The following ARB2A variants were observed in gnomAD, a reference collection of about 807,000 sequenced individuals.
ARB2A encodes the protein ARB2 cotranscriptional regulator A.
At chr5:93,899,635 T>A in the ARB2A span, among the ~76,000 whole-genome samples, 4 of 152,250 alleles carry the variant, frequency 2.6e-5, no homozygotes, top group African/African-American at 9.6e-5. Flanking sequence ...TAAAGTTACT[T>A]AAGAGATTAG....
chr5:93,833,939 T>C, the ARB2A span, among the ~76,000 whole-genome samples: 1 of 152,158 alleles, frequency 6.6e-6, no homozygotes, highest in African/African-American at 2.4e-5. Context: ...ATCATCCAGG[T>C]AGTGAGTGTA....
chr5:93,634,681 T>C, the ARB2A span, among the ~76,000 whole-genome samples: 1 of 152,228 alleles, frequency 6.6e-6, no homozygotes, highest in South Asian at 2.1e-4. Context: ...TAAGTGTTCA[T>C]GAGCTTGTAT....
At chr5:93,726,301 C>A in the ARB2A span, among the ~76,000 whole-genome samples, 1 of 151,980 alleles carries the variant, frequency 6.6e-6, no homozygotes, top group Admixed American at 6.6e-5. Context: ...CTTCACTGGG[C>A]TGTCAACTAT....
chr5:93,788,007 A>G, the ARB2A span, among the ~76,000 whole-genome samples: 1 of 152,162 alleles, frequency 6.6e-6, no homozygotes, highest in African/African-American at 2.4e-5. Context: ...AATTCTACCC[A>G]TTTATCCACT....
the ARB2A span, among the ~76,000 whole-genome samples, chr5:93,756,712 A>G: frequency 6.9e-6 from 1 of 145,352 alleles, no homozygotes; most frequent in African/African-American, 2.7e-5. Context: ...GGACAAAAGA[A>G]TCTAAATGAC....
the ARB2A span, among the ~76,000 whole-genome samples, chr5:93,983,790 A>G: frequency 1.3e-5 from 2 of 152,334 alleles, no homozygotes; most frequent in African/African-American, 4.8e-5. Flanking sequence ...GATCACTTCG[A>G]AAGTACTTCT....
chr5:93,977,664 T>C, the ARB2A span, among the ~76,000 whole-genome samples: 1 of 152,122 alleles, frequency 6.6e-6, no homozygotes, highest in East Asian at 1.9e-4. Context: ...CTAAAAATCC[T>C]AGAAGAGAAC....
the ARB2A span, among the ~76,000 whole-genome samples, chr5:94,012,244 T>C: frequency 6.6e-6 from 1 of 152,044 alleles, no homozygotes; most frequent in Non-Finnish European, 1.5e-5. Flanking sequence ...CTACTAAACA[T>C]ACAAAAAATT....
At chr5:93,625,672 C>T in the ARB2A span, among the ~76,000 whole-genome samples, 2 of 152,062 alleles carry the variant, frequency 1.3e-5, no homozygotes, top group East Asian at 3.9e-4. Flanking sequence ...ATTAGAAACT[C>T]TAAGAATCAA....
At chr5:93,925,661 T>C in the ARB2A span, among the ~76,000 whole-genome samples, 1 of 152,148 alleles carries the variant, frequency 6.6e-6, no homozygotes, top group Non-Finnish European at 1.5e-5. Context: ...CTATGGTCGA[T>C]GACAGGTAAC....
chr5:93,783,627 A>C, the ARB2A span, among the ~76,000 whole-genome samples: 1 of 152,182 alleles, frequency 6.6e-6, no homozygotes, highest in African/African-American at 2.4e-5. Context: ...GATTTGATTA[A>C]ACAATTACTA....
the ARB2A span, among the ~76,000 whole-genome samples, chr5:93,811,246 G>A: frequency 1.1e-4 from 16 of 152,218 alleles, no homozygotes; most frequent in African/African-American, 3.9e-4. Context: ...CTACTTTCCA[G>A]ATCCTCATCA....
At chr5:93,841,381 T>C in the ARB2A span, among the ~76,000 whole-genome samples, 25 of 152,316 alleles carry the variant, frequency 1.6e-4, no homozygotes, top group African/African-American at 6.0e-4. Flanking sequence ...ATTTACAATA[T>C]ATTAGGTAGT....
At chr5:93,852,768 T>C in the ARB2A span, among the ~76,000 whole-genome samples, 1 of 152,182 alleles carries the variant, frequency 6.6e-6, no homozygotes, top group Non-Finnish European at 1.5e-5. Flanking sequence ...TAGTTGTAGA[T>C]ATGCGGCGTT....
chr5:93,688,606 A>T, the ARB2A span, among the ~76,000 whole-genome samples: 3 of 152,152 alleles, frequency 2.0e-5, no homozygotes, highest in Non-Finnish European at 2.9e-5. Flanking sequence ...TTTATATAAT[A>T]ATCTCTCTCC....
the ARB2A span, among the ~76,000 whole-genome samples, chr5:93,999,476 G>A: frequency 6.6e-6 from 1 of 151,868 alleles, no homozygotes; most frequent in African/African-American, 2.4e-5. Context: ...TTCACAAGAA[G>A]CCCTTGTGCT....
At chr5:93,852,337 A>G in the ARB2A span, among the ~76,000 whole-genome samples, 19 of 152,060 alleles carry the variant, frequency 1.2e-4, no homozygotes, top group African/African-American at 2.7e-4. Flanking sequence ...GGAGTTCATT[A>G]TAGATTCTGG....
chr5:93,639,359 C>T, the ARB2A span, among the ~76,000 whole-genome samples: 1 of 152,002 alleles, frequency 6.6e-6, no homozygotes, highest in South Asian at 2.1e-4. Flanking sequence ...CATTTAGCCT[C>T]CAAGTCTATA....
the ARB2A span, chr5:93,738,176 T>C: frequency 1.7e-5 from 3 of 177,030 alleles, no homozygotes; most frequent in South Asian, 1.0e-4. Context: ...AGATACAAAA[T>C]AGACAATAAG....
Sources: gnomAD v4.1 joint callset for allele counts (sites outside exome capture counted in the v4.1 genomes callset) on GRCh38, gnomAD v4.1.1 for gene constraint, MANE v1.5 for transcripts, NCBI Gene and HGNC (gene_info 2026-07-23, HGNC 2026-07-21) for gene names.